The following RPS6KC1 variants were observed in gnomAD, a reference collection of about 807,000 sequenced individuals.
RPS6KC1 encodes inactive ribosomal protein S6 kinase delta-1.
Under a neutral mutation model 103.8 loss-of-function variants are expected in RPS6KC1, and 54 were observed. The observed-to-expected ratio is 0.52, with a 90% CI of 0.42 to 0.65. RPS6KC1 has a LOEUF of 0.65. Ranked by LOEUF, RPS6KC1 falls within the 30% of genes least tolerant of loss-of-function variation. The probability of loss-of-function intolerance (pLI) is 0.00; values close to 1 mark genes in which losing one functional copy is unlikely to be tolerated. For missense variants in RPS6KC1, 1,151 were observed against 1,253.8 expected (o/e 0.92, Z 1.24); for synonymous variants, 439 against 438.7 (o/e 1.00, Z -0.01).
intron 1 of RPS6KC1, among the ~76,000 whole-genome samples, chr1:213,066,544 T>A (rs1297553012): frequency 6.6e-6 from 1 of 152,232 alleles, no homozygotes; most frequent in Non-Finnish European, 1.5e-5. Flanking sequence ...CATGAGTTAC[T>A]GTTGTTACCA....
the RPS6KC1 span, among the ~76,000 whole-genome samples, chr1:213,566,248 G>T: frequency 6.6e-6 from 1 of 151,940 alleles, no homozygotes; most frequent in Non-Finnish European, 1.5e-5. Context: ...GGGGAAAATG[G>T]ACTGTTGTCA....
At chr1:213,638,168 TC>T in the RPS6KC1 span, among the ~76,000 whole-genome samples, 10 of 152,102 alleles carry the variant, frequency 6.6e-5, no homozygotes, top group African/African-American at 2.4e-4. Flanking sequence ...ATGTTAAGCA[TC>T]TTTTATTTGC....
chr1:213,520,830 A>G, the RPS6KC1 span, among the ~76,000 whole-genome samples: 2 of 152,242 alleles, frequency 1.3e-5, no homozygotes, highest in Non-Finnish European at 2.9e-5. Context: ...AAAACAAAAT[A>G]TAACAAACAT....
chr1:213,141,462 G>A (rs767283872), intron 6 of RPS6KC1, among the ~76,000 whole-genome samples: 5 of 151,894 alleles, frequency 3.3e-5, no homozygotes, highest in Non-Finnish European at 5.9e-5. Flanking sequence ...TTGAATTTTT[G>A]TGGGGTCAGT....
chr1:213,060,775 A>G (rs1230904108), intron 1 of RPS6KC1, among the ~76,000 whole-genome samples: 6 of 152,226 alleles, frequency 3.9e-5, no homozygotes, highest in Non-Finnish European at 4.4e-5. Flanking sequence ...TAGCAAACAT[A>G]TACTGAGTAT....
chr1:213,163,535 A>G (rs759619310), intron 6 of RPS6KC1, among the ~76,000 whole-genome samples: 4 of 152,180 alleles, frequency 2.6e-5, no homozygotes, highest in Admixed American at 1.3e-4. Flanking sequence ...TTCCTCCAGC[A>G]TGGCTTTTCT....
the RPS6KC1 span, among the ~76,000 whole-genome samples, chr1:213,380,306 A>C: frequency 6.6e-6 from 1 of 152,152 alleles, no homozygotes; most frequent in Non-Finnish European, 1.5e-5. Context: ...GGAGAACAAC[A>C]CAACAATAGG....
At chr1:213,498,582 G>A in the RPS6KC1 span, among the ~76,000 whole-genome samples, 1 of 151,740 alleles carries the variant, frequency 6.6e-6, no homozygotes, top group Non-Finnish European at 1.5e-5. Flanking sequence ...AGCCTCCAGA[G>A]TAGCTGGGAC....
At chr1:213,855,640 T>G in the RPS6KC1 span, among the ~76,000 whole-genome samples, 4 of 152,218 alleles carry the variant, frequency 2.6e-5, no homozygotes, top group Non-Finnish European at 5.9e-5. Context: ...TCTTGCAACC[T>G]TTTTAGATGG....
chr1:213,499,153 C>CCCTTTA, the RPS6KC1 span, among the ~76,000 whole-genome samples: 1 of 152,162 alleles, frequency 6.6e-6, no homozygotes, highest in Non-Finnish European at 1.5e-5. Context: ...CTTTAAAGAT[C>CCCTTTA]ATGATGCCTG....
the RPS6KC1 span, among the ~76,000 whole-genome samples, chr1:213,525,999 A>T: frequency 6.6e-6 from 1 of 152,170 alleles, no homozygotes; most frequent in Non-Finnish European, 1.5e-5. Context: ...TGTGGGGTCC[A>T]GGGAGGGTCT....
the RPS6KC1 span, among the ~76,000 whole-genome samples, chr1:213,309,054 G>GGCCGAGGTGGGTGGAT: frequency 1.3e-5 from 2 of 152,300 alleles, no homozygotes; most frequent in Admixed American, 1.3e-4. Context: ...CATTTTGGGA[G>GGCCGAGGTGGGTGGAT]GCCGAGGTGG....
At chr1:213,299,376 AC>A in the RPS6KC1 span, among the ~76,000 whole-genome samples, 2 of 152,036 alleles carry the variant, frequency 1.3e-5, no homozygotes, top group African/African-American at 4.8e-5. Context: ...ACATGGTGAA[AC>A]CCTGTCTTTA....
chr1:213,611,748 G>A, the RPS6KC1 span, among the ~76,000 whole-genome samples: 3 of 152,148 alleles, frequency 2.0e-5, no homozygotes, highest in Non-Finnish European at 4.4e-5. Flanking sequence ...CTGTCCTCAA[G>A]TCTTGGATGA....
the RPS6KC1 span, among the ~76,000 whole-genome samples, chr1:213,593,074 C>A: frequency 1.3e-5 from 2 of 150,988 alleles, no homozygotes; most frequent in Non-Finnish European, 2.9e-5. Flanking sequence ...CAGTGTTCAG[C>A]AATGGCACTG....
At chr1:213,365,356 G>A in the RPS6KC1 span, among the ~76,000 whole-genome samples, 12 of 152,318 alleles carry the variant, frequency 7.9e-5, no homozygotes, top group African/African-American at 2.6e-4. Context: ...TGGGCTGAAA[G>A]GTATGACAAG....
the RPS6KC1 span, among the ~76,000 whole-genome samples, chr1:213,737,525 G>A: frequency 2.0e-5 from 3 of 152,172 alleles, no homozygotes; most frequent in Non-Finnish European, 2.9e-5. Flanking sequence ...AACAGCTTAT[G>A]TCAATGACAG....
intron 3 of RPS6KC1, among the ~76,000 whole-genome samples, chr1:213,100,476 G>A (rs1001659878): frequency 1.2e-4 from 19 of 152,134 alleles, no homozygotes; most frequent in African/African-American, 4.6e-4. Flanking sequence ...GTGCAGATTT[G>A]TTACCTGGTT....
chr1:213,204,551 A>G (rs1394520045), intron 8 of RPS6KC1, among the ~76,000 whole-genome samples: 2 of 152,026 alleles, frequency 1.3e-5, no homozygotes, highest in African/African-American at 4.8e-5. Context: ...AGCAGCCTAA[A>G]TCTGCACGTG....
Sources: allele counts gnomAD v4.1 joint callset (sites outside exome capture counted in the v4.1 genomes callset), GRCh38; gene constraint gnomAD v4.1.1; transcripts MANE v1.5; gene names NCBI Gene and HGNC (gene_info 2026-07-23, HGNC 2026-07-21).